The following SLC25A48 variants were observed in gnomAD, a reference collection of about 807,000 sequenced individuals.
SLC25A48 encodes the protein CTC-321K16.1.
SLC25A48 carries 29 observed loss-of-function variants against 32.2 expected under a neutral mutation model. That is an observed-to-expected ratio of 0.90 (90% CI 0.67 to 1.23). The LOEUF (loss-of-function observed/expected upper bound fraction) is 1.23, where lower values mean the gene tolerates loss of function less well. SLC25A48 is among the 50% of genes most tolerant of loss of function. SLC25A48 has a pLI of 0.00. For missense variants in SLC25A48, 399 were observed against 422.7 expected (o/e 0.94, Z 0.49); for synonymous variants, 164 against 172.3 (o/e 0.95, Z 0.38).
At chr5:135,595,198 C>G (rs1193978495) in intron 1 of SLC25A48, among the ~76,000 whole-genome samples, 1 of 152,200 alleles carries the variant, frequency 6.6e-6, no homozygotes, top group Non-Finnish European at 1.5e-5. Context: ...TTACCCTGCT[C>G]CACTCTCATG....
chr5:135,859,114 T>C (rs1414135560), intron 4 of SLC25A48, among the ~76,000 whole-genome samples: 1 of 152,170 alleles, frequency 6.6e-6, no homozygotes, highest in African/African-American at 2.4e-5. Context: ...GACAGGGAGC[T>C]AACATACATG....
At chr5:135,602,614 CTT>C (rs781288614) in intron 1 of SLC25A48, among the ~76,000 whole-genome samples, 1 of 139,724 alleles carries the variant, frequency 7.2e-6, no homozygotes. Context: ...TTTTTTCTTT[CTT>C]TTTTTTTTTT....
At chr5:135,764,608 C>T (rs1238631723) in intron 3 of SLC25A48, among the ~76,000 whole-genome samples, 1 of 150,878 alleles carries the variant, frequency 6.6e-6, no homozygotes, top group African/African-American at 2.4e-5. Flanking sequence ...TGTACACTTC[C>T]CTGTGATATG....
intron 4 of SLC25A48, among the ~76,000 whole-genome samples, chr5:135,867,268 C>T (rs1162894485): frequency 6.6e-6 from 1 of 152,198 alleles, no homozygotes; most frequent in African/African-American, 2.4e-5. Flanking sequence ...TTCCTGTGAG[C>T]TGTGTCCTGA....
chr5:135,616,192 C>A (rs1385668817), intron 1 of SLC25A48, among the ~76,000 whole-genome samples: 1 of 152,188 alleles, frequency 6.6e-6, no homozygotes, highest in Non-Finnish European at 1.5e-5. Flanking sequence ...GGAGCTCCCA[C>A]ATGGAGTTTC....
intron 1 of SLC25A48, among the ~76,000 whole-genome samples, chr5:135,840,381 G>T (rs912075411): frequency 1.3e-5 from 2 of 152,126 alleles, no homozygotes; most frequent in East Asian, 1.9e-4. Flanking sequence ...AAGTTTTCAG[G>T]TTTTTTCTTT....
chr5:135,632,822 A>G (rs923606181), intron 2 of SLC25A48, among the ~76,000 whole-genome samples: 6 of 152,182 alleles, frequency 3.9e-5, no homozygotes, highest in Non-Finnish European at 4.4e-5. Context: ...CATGCAGTCA[A>G]TAGGATTGGA....
At chr5:135,819,778 G>A (rs191271916) in intron 4 of SLC25A48, among the ~76,000 whole-genome samples, 2 of 152,174 alleles carry the variant, frequency 1.3e-5, no homozygotes, top group East Asian at 3.9e-4. Flanking sequence ...GGGAAAAGAT[G>A]TAAACCCTTA....
chr5:135,868,255 C>T (rs1266851232), intron 4 of SLC25A48, among the ~76,000 whole-genome samples: 1 of 152,022 alleles, frequency 6.6e-6, no homozygotes, highest in Non-Finnish European at 1.5e-5. Context: ...GAATGCATGA[C>T]CACAATGTAA....
chr5:135,779,181 T>C (rs1756656905), intron 3 of SLC25A48, among the ~76,000 whole-genome samples: 1 of 151,600 alleles, frequency 6.6e-6, no homozygotes, highest in Non-Finnish European at 1.5e-5. Flanking sequence ...ATCCAGAGCA[T>C]GAGAGGATGA....
intron 1 of SLC25A48, among the ~76,000 whole-genome samples, chr5:135,841,107 A>C (rs1758953164): frequency 6.6e-6 from 1 of 152,072 alleles, no homozygotes; most frequent in Non-Finnish European, 1.5e-5. Flanking sequence ...AATTGTAGCT[A>C]TCCTAGTGCG....
intron 3 of SLC25A48, among the ~76,000 whole-genome samples, chr5:135,793,759 G>A: frequency 6.6e-6 from 1 of 151,686 alleles, no homozygotes; most frequent in East Asian, 1.9e-4. Context: ...GTACACCCTG[G>A]AATATTATTT....
chr5:135,704,819 TC>T (rs1754470753), intron 3 of SLC25A48, among the ~76,000 whole-genome samples: 1 of 152,206 alleles, frequency 6.6e-6, no homozygotes, highest in South Asian at 2.1e-4. Context: ...AAAGCTGTGT[TC>T]TTAACTGACT....
chr5:135,851,619 C>T lies in SLC25A48; in HGVS notation c.163-944C>T, dbSNP rs117903848. The stretch of plus-strand genomic sequence containing the variant: ...GTATATATGCGTGTGTGTGCGTGTG[C>T]AGGTGTGTGTGAGGCATCCTGCCTC... On this transcript the variant is annotated intron_variant, in intron 3 of 7. Coordinates refer to ENST00000681962, the MANE Select transcript of SLC25A48 (RefSeq NM_001349336.2). Among the ~76,000 whole-genome samples, 61 of 152,114 alleles carry T rather than the reference C, an allele frequency of 4.0e-4. 1 individual carries two copies. In the East Asian group the frequency reaches 9.9e-3, roughly 25 times the overall value.
At chr5:135,798,835 G>A (rs1210164832) in intron 3 of SLC25A48, among the ~76,000 whole-genome samples, 5 of 151,418 alleles carry the variant, frequency 3.3e-5, no homozygotes, top group Middle Eastern at 3.2e-3. Context: ...TACTACTCCC[G>A]ATATTGTAGA....
intron 2 of SLC25A48, 124 bp from the exon 3 acceptor site, chr5:135,850,301 C>G: frequency 1.1e-6 from 1 of 926,546 alleles, no homozygotes; most frequent in Non-Finnish European, 1.7e-6. Flanking sequence ...CTGGCCAGGA[C>G]TGAAACCCAG....
chr5:135,833,340 G>A (rs1297239509), upstream of SLC25A48, among the ~76,000 whole-genome samples: 1 of 152,250 alleles, frequency 6.6e-6, no homozygotes, highest in Non-Finnish European at 1.5e-5. Flanking sequence ...AGGACTGAGG[G>A]GATGACAAAC....
intron 3 of SLC25A48, among the ~76,000 whole-genome samples, chr5:135,774,746 A>ACC (rs35193298): frequency 3.5e-4 from 53 of 150,380 alleles, no homozygotes; most frequent in African/African-American, 1.2e-3. Flanking sequence ...GGGAGTGTAC[A>ACC]CCCCCCCCGT....
intron 3 of SLC25A48, among the ~76,000 whole-genome samples, chr5:135,748,082 A>C (rs901150842): frequency 6.6e-6 from 1 of 152,232 alleles, no homozygotes; most frequent in African/African-American, 2.4e-5. Flanking sequence ...GTGATGGGCC[A>C]TCAGCAAAGG....
Sources: gnomAD v4.1 joint callset for allele counts (sites outside exome capture counted in the v4.1 genomes callset) on GRCh38, gnomAD v4.1.1 for gene constraint, MANE v1.5 for transcripts, NCBI Gene and HGNC (gene_info 2026-07-23, HGNC 2026-07-21) for gene names.